The following IQSEC1 variants were observed in gnomAD, a reference collection of about 807,000 sequenced individuals.
IQSEC1 encodes IQ motif and Sec7 domain ArfGEF 1, also known as IQ motif and SEC7 domain-containing protein 1.
IQSEC1 carries 31 observed loss-of-function variants against 91.0 expected under a neutral mutation model. That is an observed-to-expected ratio of 0.34 (90% CI 0.26 to 0.46). The LOEUF is 0.46. Among genes scored for constraint, IQSEC1 ranks in the 20% least tolerant of loss-of-function variants. The probability of loss-of-function intolerance (pLI) is 1.00; values close to 1 mark genes in which losing one functional copy is unlikely to be tolerated. For missense variants in IQSEC1, 1,388 were observed against 1,575.6 expected (o/e 0.88, Z 2.02); for synonymous variants, 699 against 662.6 (o/e 1.05, Z -0.84).
In IQSEC1 at chr3:12,967,555, G is replaced by A; in HGVS notation, c.24-25690C>T. ...CGCCGGATCCCGGGGCCGACACCCG[G>A]CCACCCGGAGACCCGACCACCCGCC... is the stretch of plus-strand genomic sequence containing the variant. On this transcript the variant is annotated intron_variant, in intron 1 of 13. Transcript: ENST00000613206. This position sits in a 1 kb window ranked among gnomAD's most constrained non-coding sequence, Gnocchi z 5.9. 3 of 1,359,760 alleles carry A rather than the reference G, an allele frequency of 2.2e-6. No individual in the cohort carries two copies. The highest frequency in any genetic ancestry group is 2.8e-6 in the Non-Finnish European group (3 of 1,065,192). The allele number at this position is 1,359,760 out of a possible 1,614,324, so 84.2% of individuals were successfully genotyped here. A position where few individuals can be genotyped will look rare whatever the true frequency, so the allele number is the denominator to read the frequency against.
intron 1 of IQSEC1, among the ~76,000 whole-genome samples, chr3:12,996,618 G>GA (rs560017796): frequency 1.9e-3 from 293 of 151,808 alleles, no homozygotes; most frequent in Non-Finnish European, 3.3e-3. Flanking sequence ...ATGGTAAACT[G>GA]AAAAAAAATG....
rs1160830882 is a variant in IQSEC1, at chr3:12,899,157, G to A, written c.*1826C>T. 8.8e-6 allele frequency: 5 copies of A among 571,092 alleles called. 1 individual carries two copies. Among genetic ancestry groups the A allele is most frequent in the Non-Finnish European group, 9.4e-6 (3 of 317,706 alleles). The allele number at this position is 571,092 out of a possible 1,614,324, so 35.4% of individuals were successfully genotyped here. A position where few individuals can be genotyped will look rare whatever the true frequency, so the allele number is the denominator to read the frequency against. ...GTACGGTGATCTCAATGATATGACC[G>A]AGGGTGGGAGGGATGTGAGGAGGGA... On this transcript the variant is annotated 3_prime_UTR_variant, in exon 14 of 14. Transcript: ENST00000613206.
intron 1 of IQSEC1, among the ~76,000 whole-genome samples, chr3:12,997,573 T>G (rs1702271061): frequency 6.6e-6 from 1 of 152,172 alleles, no homozygotes; most frequent in Non-Finnish European, 1.5e-5. Flanking sequence ...CATAGAGTGT[T>G]CTTACACAAC....
intron 1 of IQSEC1, among the ~76,000 whole-genome samples, chr3:13,233,906 A>G (rs1694876415): frequency 6.6e-6 from 1 of 152,194 alleles, no homozygotes; most frequent in Admixed American, 6.5e-5. Flanking sequence ...CAGAACCCCC[A>G]AAAAGTGGGG....
intron 2 of IQSEC1, among the ~76,000 whole-genome samples, chr3:13,134,016 T>C (rs1706666819): frequency 6.6e-6 from 1 of 152,154 alleles, no homozygotes; most frequent in Non-Finnish European, 1.5e-5. Flanking sequence ...CCAACAAATG[T>C]TTTGGGTATG....
intron 1 of IQSEC1, among the ~76,000 whole-genome samples, chr3:13,029,870 C>T (rs1433406194): frequency 6.6e-6 from 1 of 152,238 alleles, no homozygotes; most frequent in Non-Finnish European, 1.5e-5. Flanking sequence ...TGGGCTGTTT[C>T]CCAATACCCA....
rs2124891868 is a variant in IQSEC1, at chr3:13,008,703, C to T, written c.23+64289G>A. On this transcript the variant is annotated intron_variant, in intron 1 of 13. Coordinates refer to ENST00000613206, the MANE Select transcript of IQSEC1 (RefSeq NM_001134382.3). The surrounding 1 kb of genome is among the most constrained non-coding windows in gnomAD (Gnocchi z 4.1). Reference sequence around the variant, plus strand: ...GGAGGGGGTCTCACGCTGGTGTCCTCACTGCTTTGAGCGGTGCTGGGCACA... The same window carrying T: ...GGAGGGGGTCTCACGCTGGTGTCCTTACTGCTTTGAGCGGTGCTGGGCACA... Among the ~76,000 whole-genome samples the T allele has an allele frequency of 6.6e-6, 1 of 152,318 alleles. No individual in the cohort carries two copies. Among genetic ancestry groups the T allele is most frequent in the South Asian group, 2.1e-4 (1 of 4,830 alleles).
At chr3:13,033,456 C>T (rs1703921334) in intron 1 of IQSEC1, among the ~76,000 whole-genome samples, 1 of 152,118 alleles carries the variant, frequency 6.6e-6, no homozygotes, top group Non-Finnish European at 1.5e-5. Flanking sequence ...CCTGTGTCTT[C>T]ACACGGCATA....
intron 12 of IQSEC1, among the ~76,000 whole-genome samples, chr3:12,906,789 T>C (rs1380172158): frequency 3.9e-5 from 6 of 152,358 alleles, no homozygotes; most frequent in African/African-American, 1.4e-4. Flanking sequence ...GCCTCGGTTC[T>C]GGCAGAACTG....
intron 1 of IQSEC1, among the ~76,000 whole-genome samples, chr3:13,165,574 G>C (rs607113): frequency 0.034 from 2,838 of 84,388 alleles, 107 homozygotes; most frequent in South Asian, 0.11. Flanking sequence ...GTGTGTGTGT[G>C]TGTGTGTCTG....
At chr3:13,252,157 C>T (rs77970862) in intron 1 of IQSEC1, among the ~76,000 whole-genome samples, 3,438 of 152,234 alleles carry the variant, frequency 0.023, 54 homozygotes, top group South Asian at 0.062. Context: ...CTTTTTCATC[C>T]TCCCAAATTG....
chr3:13,029,299 A>G (rs361052), intron 1 of IQSEC1, among the ~76,000 whole-genome samples: 111,399 of 152,138 alleles, frequency 0.73, 41,811 homozygotes, highest in South Asian at 0.83. Flanking sequence ...GGTAGGTGCT[A>G]TTACTATCTG....
rs576324179 is a variant in IQSEC1 at position 13,028,212 on chromosome 3, C to A, written c.23+44780G>T. Among the ~76,000 whole-genome samples, 4 of 152,322 alleles carry A rather than the reference C, an allele frequency of 2.6e-5. No individual in the cohort carries two copies. In the South Asian group the frequency reaches 8.3e-4, roughly 32 times the overall value. ...CAGAGGGGGAGTTAATGAATGAATA[C>A]CTGCCGAATGAATGAATGAACAAGT... On this transcript the variant is annotated intron_variant, in intron 1 of 13. Coordinates refer to ENST00000613206, the MANE Select transcript of IQSEC1 (RefSeq NM_001134382.3).
At chr3:13,096,521 C>T (rs1456887385) in intron 2 of IQSEC1, among the ~76,000 whole-genome samples, 2 of 152,216 alleles carry the variant, frequency 1.3e-5, no homozygotes, top group Non-Finnish European at 2.9e-5. Context: ...GCTGACTTAG[C>T]ATTGGGAAGA....
intron 2 of IQSEC1, among the ~76,000 whole-genome samples, chr3:13,136,945 T>C (rs1706721779): frequency 6.6e-6 from 1 of 152,186 alleles, no homozygotes; most frequent in Non-Finnish European, 1.5e-5. Context: ...AAGACCAGCC[T>C]GGGCAACATA....
chr3:13,227,134 G>T (rs1475419077), intron 1 of IQSEC1, among the ~76,000 whole-genome samples: 10 of 151,936 alleles, frequency 6.6e-5, no homozygotes. Context: ...CCAGCACTTT[G>T]GAAGGCCGAG....
chr3:12,908,390 C>T lies in IQSEC1; in HGVS notation c.2714G>A (p.Arg905His), dbSNP rs1324202560. 7 of 1,612,576 alleles carry T rather than the reference C, an allele frequency of 4.3e-6. No individual in the cohort carries two copies. The highest frequency in any genetic ancestry group is 1.3e-5 in the African/African-American group (1 of 75,032). Residue 905 changes from arginine to histidine, a missense_variant, in exon 12 of 14, where the codon CGC (arginine) becomes CAC (histidine). Physicochemically the swap from Arg to His is conservative, Grantham distance 29. This residue lies in a region of IQSEC1 where 1,059 missense variants were observed against 1,317.8 expected (regional missense o/e 0.80). Coordinates refer to ENST00000613206, the MANE Select transcript of IQSEC1 (RefSeq NM_001134382.3). This position sits in a 1 kb window ranked among gnomAD's most constrained non-coding sequence, Gnocchi z 4.9. ...DSYASGEGLKRSALSSSLRDL... is the reference protein window; with the variant it reads ...DSYASGEGLKHSALSSSLRDL... The stretch of plus-strand genomic sequence containing the variant: ...CCGCAGGGAGCTGCTGAGGGCGCTG[C>T]GCTTGAGGCCCTCACCGCTGGCATA...
chr3:12,933,713 C>T (rs1440411004), intron 3 of IQSEC1, among the ~76,000 whole-genome samples: 1 of 152,206 alleles, frequency 6.6e-6, no homozygotes, highest in African/African-American at 2.4e-5. Context: ...TGTTCTTAAC[C>T]ATGGCTGTCT....
In IQSEC1 at chr3:13,010,334, C is replaced by G. The variant is rs555717214; in HGVS notation, c.23+62658G>C. Among the ~76,000 whole-genome samples the G allele has an allele frequency of 3.9e-5, 6 of 152,322 alleles. No individual in the cohort carries two copies. In the East Asian group the frequency reaches 9.7e-4, roughly 25 times the overall value. On this transcript the variant is annotated intron_variant, in intron 1 of 13. Transcript: ENST00000613206. ...TCCATCTAATTTGGGTCAGCTACCT[C>G]CAGGGGTGAATGCAGTACCGAGCTT...
Sources: gnomAD v4.1 joint callset for allele counts (sites outside exome capture counted in the v4.1 genomes callset) on GRCh38, gnomAD v4.1.1 for gene constraint, gnomAD v4.1.1 regional missense constraint, Gnocchi (gnomAD v3.1) non-coding constraint, MANE v1.5 for transcripts, NCBI Gene and HGNC (gene_info 2026-07-23, HGNC 2026-07-21) for gene names.